Variants in C7 observed in about 807,000 individuals in gnomAD.
The protein encoded by C7 is complement C7.
Under a neutral mutation model 104.8 loss-of-function variants are expected in C7, and 83 were observed. That is an observed-to-expected ratio of 0.79 (90% confidence interval 0.66 to 0.95). C7 has a LOEUF of 0.95. Among genes scored for constraint, C7 ranks in the 40% least tolerant of loss-of-function variants. The pLI is 0.00. For missense variants in C7, 1,070 were observed against 1,011.2 expected, an observed-to-expected ratio of 1.06 and a Z score of -0.79; for synonymous variants, 415 against 360.6, an observed-to-expected ratio of 1.15 and a Z score of -1.71.
At chr5:40,952,905 G>A (rs1225434721) in intron 9 of C7, among the ~76,000 whole-genome samples, 1 of 152,126 alleles carries the variant, frequency 6.6e-6, no homozygotes, top group African/African-American at 2.4e-5. Flanking sequence ...TTCTTACATA[G>A]GTGTGCTGGC....
At position 40,947,633 on chromosome 5, in the gene C7, T is replaced by A. The variant is rs770373609; in HGVS notation, c.770T>A (p.Val257Asp). ...CAACTGCTGGTTGTTGAGAACACTG[T>A]TGAAGTGGCTCAGTTCATTAATAAC... ...SYQLLVVENT[V>D]EVAQFINNNP... Residue 257 changes from valine to aspartate, a missense_variant, in exon 8 of 18, where the codon GTT becomes GAT. By Grantham distance (152) the Val-to-Asp change is radical. Transcript: ENST00000313164. The A allele has an allele frequency of 6.2e-7, 1 of 1,613,372 alleles. No individual in the cohort carries two copies. The highest frequency in any genetic ancestry group is 8.5e-7 in the Non-Finnish European group (1 of 1,179,656).
chr5:40,980,145 C>T (rs1740911397), intron 17 of C7: 1 of 368,670 alleles, frequency 2.7e-6, no homozygotes, highest in African/African-American at 2.1e-5. Flanking sequence ...TTCTCCCAAA[C>T]AGGGGTGATT....
chr5:40,981,193 C>T (rs980475160), intron 17 of C7, among the ~76,000 whole-genome samples, 199 bp from the exon 18 acceptor site: 4 of 152,168 alleles, frequency 2.6e-5, no homozygotes, highest in Non-Finnish European at 4.4e-5. Context: ...TGCTACCAAC[C>T]TCAAAACCTA....
At chr5:40,981,188 C>T (rs1405925721) in intron 17 of C7, among the ~76,000 whole-genome samples, 1 of 152,180 alleles carries the variant, frequency 6.6e-6, no homozygotes, top group Non-Finnish European at 1.5e-5. Flanking sequence ...AAGCCTGCTA[C>T]CAACCTCAAA....
intron 11 of C7, among the ~76,000 whole-genome samples, chr5:40,958,936 A>T (rs915635819): frequency 1.3e-5 from 2 of 152,220 alleles, no homozygotes; most frequent in African/African-American, 4.8e-5. Context: ...AAATGAATAA[A>T]TATAAGACTA....
Position 40,959,588 on chromosome 5 carries a change from A to C in C7, c.1629A>C (p.Thr543=). ...RSCVGETTES[T]QCEDEELEHL... ...GCGTTGGAGAAACGACAGAAAGCAC[A>C]CAATGCGAAGATGAGGAGCTGGAGC... The change falls in exon 12 of 18, where the codon ACA becomes ACC. Residue 543 remains threonine (T), a synonymous_variant. Transcript: ENST00000313164. 1.2e-6 allele frequency: 2 copies of C among 1,607,086 alleles called. No individual in the cohort carries two copies. Among genetic ancestry groups the C allele is most frequent in the Non-Finnish European group, 1.7e-6 (2 of 1,177,436 alleles).
At position 40,972,548 on chromosome 5, in the gene C7, C is replaced by A; in HGVS notation, c.2028C>A (p.Ser676Arg). The A allele has an allele frequency of 6.2e-7, 1 of 1,612,762 alleles. No homozygotes were observed. The highest frequency in any genetic ancestry group is 8.5e-7 in the Non-Finnish European group (1 of 1,179,312). The change falls in exon 15 of 18, where the codon AGC (serine) becomes AGA (arginine). Residue 676 changes from serine (S) to arginine (R), a missense_variant. Ser to Arg is a moderately radical substitution (Grantham distance 110). Transcript: ENST00000313164. ...CTTCAGCATTTCTCTGTGGCTCCAG[C>A]CTTAAGTGGAGTCCTGAGATGAAGA... ...EGPSAFLCGSSLKWSPEMKNA... is the reference protein window; with the variant it reads ...EGPSAFLCGSRLKWSPEMKNA...
At chr5:40,980,896 A>G (rs961591938) in intron 17 of C7, among the ~76,000 whole-genome samples, 4 of 152,206 alleles carry the variant, frequency 2.6e-5, no homozygotes, top group Non-Finnish European at 4.4e-5. Context: ...TGGCTGGTGT[A>G]TTCCAACCAT....
At chr5:40,921,247 T>C (rs1211698450) in intron 1 of C7, among the ~76,000 whole-genome samples, 1 of 152,106 alleles carries the variant, frequency 6.6e-6, no homozygotes, top group African/African-American at 2.4e-5. Context: ...GGAATAAATT[T>C]AATCAAAGAA....
chr5:40,919,227 GATT>G lies in C7; in HGVS notation c.7-9352_7-9350del, dbSNP rs1350000398. ...CAACCTCCACCTCCCAGGCTCAAGT[GATT>G]CTCCCACCTCATCCCTTCCGAGCAG... On this transcript the variant is annotated intron_variant, in intron 1 of 17. Transcript: ENST00000313164. 2.4e-3 allele frequency among the ~76,000 whole-genome samples: 364 copies of G among 151,486 alleles called. 2 individuals carry two copies. The highest frequency in any genetic ancestry group is 8.4e-3 in the African/African-American group (348 of 41,266).
Position 40,972,043 on chromosome 5 carries a change from A to G in C7, c.1883-360A>G, listed in dbSNP as rs1341249739. 20 of 466,040 alleles carry G rather than the reference A, an allele frequency of 4.3e-5. No homozygotes were observed. The Admixed American group carries it at 4.7e-4, about 11-fold the overall frequency. 28.9% of individuals were successfully genotyped at this position (466,040 alleles called of 1,614,324 possible). On this transcript the variant is annotated intron_variant, in intron 14 of 17. Coordinates refer to ENST00000313164, the MANE Select transcript of C7 (RefSeq NM_000587.4). ...ATCCAACTGGATGAAAGTTAATGAA[A>G]CTCTCCTGGTGGAACATCACTAGAG...
chr5:40,967,787 TG>T (rs1460954436), intron 14 of C7: 2 of 159,350 alleles, frequency 1.3e-5, no homozygotes, highest in African/African-American at 4.8e-5. Context: ...GACCTGCGTT[TG>T]TGGCTTGACA....
chr5:40,966,253 C>T (rs1248078727), intron 14 of C7, among the ~76,000 whole-genome samples: 1 of 151,996 alleles, frequency 6.6e-6, no homozygotes, highest in Non-Finnish European at 1.5e-5. Context: ...TCTTTTATCC[C>T]TTACCCCCTT....
At chr5:40,976,145 T>G (rs1401300102) in intron 15 of C7, among the ~76,000 whole-genome samples, 3 of 152,248 alleles carry the variant, frequency 2.0e-5, no homozygotes, top group Non-Finnish European at 4.4e-5. Flanking sequence ...CAGACATTTA[T>G]TCACTGTTGA....
intron 4 of C7, among the ~76,000 whole-genome samples, chr5:40,935,916 A>G (rs552966813): frequency 6.6e-6 from 1 of 152,318 alleles, no homozygotes; most frequent in Admixed American, 6.5e-5. Context: ...TAACCTTTTG[A>G]TAAAATTGTC....
At chr5:40,943,440 G>A (rs1739981510) in intron 6 of C7, among the ~76,000 whole-genome samples, 1 of 152,156 alleles carries the variant, frequency 6.6e-6, no homozygotes, top group African/African-American at 2.4e-5. Flanking sequence ...ACACCACTTT[G>A]AGAAAGATGA....
intron 6 of C7, among the ~76,000 whole-genome samples, chr5:40,942,911 C>T (rs571213505): frequency 3.3e-5 from 5 of 151,992 alleles, no homozygotes; most frequent in East Asian, 1.9e-4. Flanking sequence ...ATTACAGGCA[C>T]GCACCACCAT....
chr5:40,964,647 G>A lies in C7; in HGVS notation c.1750-94G>A, dbSNP rs1157701470. The A allele has an allele frequency of 5.4e-6, 6 of 1,110,426 alleles. No individual in the cohort carries two copies. The Admixed American group carries it at 7.0e-5, about 13-fold the overall frequency. The allele number at this position is 1,110,426 out of a possible 1,614,324, so 68.8% of individuals were successfully genotyped here. ...ATCAATTAAATGTAGCTTGCCTGAT[G>A]ATTATGATTTATAGACTGAATATAT... On this transcript the variant is annotated intron_variant, in intron 13 of 17. Coordinates refer to ENST00000313164, the MANE Select transcript of C7 (RefSeq NM_000587.4).
At chr5:40,939,378 A>G (rs7702318) in intron 6 of C7, among the ~76,000 whole-genome samples, 86 of 152,342 alleles carry the variant, frequency 5.6e-4, no homozygotes, top group African/African-American at 1.9e-3. Context: ...AAAGTAAGCA[A>G]TATTTTACTA....
Sources: gnomAD v4.1 joint callset for allele counts (sites outside exome capture counted in the v4.1 genomes callset) on GRCh38, gnomAD v4.1.1 for gene constraint, MANE v1.5 for transcripts, NCBI Gene and HGNC (gene_info 2026-07-23, HGNC 2026-07-21) for gene names.